Variants in GALNT1 observed in about 807,000 individuals in gnomAD.
GALNT1 encodes polypeptide N-acetylgalactosaminyltransferase 1, also known as GalNAc transferase 1.
Under a neutral mutation model 65.7 loss-of-function variants are expected in GALNT1, and 17 were observed. That is an observed-to-expected ratio of 0.26 (90% CI 0.18 to 0.39). The LOEUF (loss-of-function observed/expected upper bound fraction) is 0.39, where lower values mean the gene tolerates loss of function less well. GALNT1 is among the 10% of genes least tolerant of loss of function. The probability of loss-of-function intolerance (pLI) is 1.00; values close to 1 mark genes in which losing one functional copy is unlikely to be tolerated. For synonymous variants in GALNT1, 210 were observed against 219.7 expected (o/e 0.96, Z 0.39); for missense variants, 460 against 672.8 (o/e 0.68, Z 3.50).
In GALNT1 at chr18:35,689,869, T is replaced by C. The variant is rs546680944; in HGVS notation, c.978+579T>C. 6.6e-5 allele frequency among the ~76,000 whole-genome samples: 10 copies of C among 152,376 alleles called. No homozygotes were observed. The East Asian group carries it at 7.7e-4, about 12-fold the overall frequency. On this transcript the variant is annotated intron_variant, in intron 7 of 11. Coordinates refer to ENST00000269195, the MANE Select transcript of GALNT1 (RefSeq NM_020474.4). Reference sequence around the variant, plus strand: ...GCATATTTTTGCAAATAACCAACTTTAGACACATAGCTTATTATAGTGGAA... The same window carrying C: ...GCATATTTTTGCAAATAACCAACTTCAGACACATAGCTTATTATAGTGGAA...
rs557761669 is a variant in GALNT1 at position 35,662,514 on chromosome 18, A to C, written c.140-1114A>C. ...GTGGCTTTGTACCACTGGCTGAAAC[A>C]ATCACCCTAAAGTCAGCTTTACCAG... On this transcript the variant is annotated intron_variant, in intron 2 of 11. Coordinates refer to ENST00000269195, the MANE Select transcript of GALNT1 (RefSeq NM_020474.4). 1.2e-4 allele frequency among the ~76,000 whole-genome samples: 18 copies of C among 152,266 alleles called. No individual in the cohort carries two copies. In the South Asian group the frequency reaches 3.7e-3, roughly 32 times the overall value.
chr18:35,698,745 G>A (rs1429825358), intron 9 of GALNT1, among the ~76,000 whole-genome samples: 1 of 152,108 alleles, frequency 6.6e-6, no homozygotes. Context: ...TTGGGAGGCC[G>A]AGGTGGGTGG....
At chr18:35,595,763 A>G (rs1300251358) in intron 1 of GALNT1, 3 of 152,232 alleles carry the variant, frequency 2.0e-5, no homozygotes, top group African/African-American at 4.8e-5. Context: ...GACGGTATCA[A>G]AAAGTACACA....
intron 11 of GALNT1, among the ~76,000 whole-genome samples, chr18:35,706,749 T>C (rs2048269175): frequency 6.6e-6 from 1 of 152,094 alleles, no homozygotes; most frequent in Non-Finnish European, 1.5e-5. Flanking sequence ...TGAGTTGCAA[T>C]GCAGGTCCAA....
intron 3 of GALNT1, among the ~76,000 whole-genome samples, chr18:35,675,561 G>A (rs796809873): frequency 6.6e-6 from 1 of 151,974 alleles, no homozygotes; most frequent in African/African-American, 2.4e-5. Flanking sequence ...GTAAATTTGG[G>A]TTATCACTTC....
At chr18:35,628,348 G>A (rs986561452) in intron 1 of GALNT1, among the ~76,000 whole-genome samples, 21 of 152,280 alleles carry the variant, frequency 1.4e-4, no homozygotes, top group South Asian at 4.1e-4. Flanking sequence ...TCACACGGCC[G>A]GGTACCCCTC....
intron 1 of GALNT1, among the ~76,000 whole-genome samples, chr18:35,626,539 CAA>C (rs767826737): frequency 5.9e-5 from 9 of 152,076 alleles, no homozygotes; most frequent in Non-Finnish European, 1.2e-4. Context: ...CTATATAAAT[CAA>C]TAATTATAGG....
At chr18:35,686,935 C>T (rs2047877641) in intron 5 of GALNT1, 81 bp from the exon 6 acceptor site, 56 of 1,321,492 alleles carry the variant, frequency 4.2e-5, no homozygotes, top group Non-Finnish European at 5.7e-5. Context: ...AAAATAAAAA[C>T]ACTTACTATA....
intron 5 of GALNT1, among the ~76,000 whole-genome samples, chr18:35,686,728 T>TA (rs1209912224): frequency 6.6e-6 from 1 of 151,858 alleles, no homozygotes; most frequent in Non-Finnish European, 1.5e-5. Context: ...GTCTTAAATA[T>TA]AAAAAACAAA....
chr18:35,626,779 C>T (rs1236832740), intron 1 of GALNT1, among the ~76,000 whole-genome samples: 1 of 152,168 alleles, frequency 6.6e-6, no homozygotes, highest in African/African-American at 2.4e-5. Context: ...TCCCCCATGG[C>T]CTCAAGATGG....
At chr18:35,646,958 A>G (rs59447931) in intron 1 of GALNT1, among the ~76,000 whole-genome samples, 3,954 of 152,262 alleles carry the variant, frequency 0.026, 168 homozygotes, top group African/African-American at 0.092. Context: ...GTCCTTTTTC[A>G]CTGGTCCCCA....
intron 3 of GALNT1, among the ~76,000 whole-genome samples, chr18:35,667,496 A>C (rs2047566394): frequency 6.6e-6 from 1 of 152,192 alleles, no homozygotes; most frequent in Non-Finnish European, 1.5e-5. Context: ...TCACCCCTAA[A>C]AATAACATAA....
chr18:35,649,152 G>A (rs1598794912), intron 1 of GALNT1, among the ~76,000 whole-genome samples: 1 of 152,320 alleles, frequency 6.6e-6, no homozygotes, highest in East Asian at 1.9e-4. Context: ...TTTCCAGAGA[G>A]GCTGTACCAT....
intron 1 of GALNT1, among the ~76,000 whole-genome samples, chr18:35,634,832 T>A (rs1373641873): frequency 6.6e-6 from 1 of 152,348 alleles, no homozygotes; most frequent in Admixed American, 6.5e-5. Flanking sequence ...CATTAAAGTT[T>A]CCACATGCCA....
chr18:35,622,686 C>T (rs72960668), intron 1 of GALNT1, among the ~76,000 whole-genome samples: 14,501 of 152,034 alleles, frequency 0.095, 836 homozygotes, highest in African/African-American at 0.17. Flanking sequence ...ATTTTTTGTT[C>T]GTTTTCTTCT....
intron 1 of GALNT1, among the ~76,000 whole-genome samples, chr18:35,630,898 A>G (rs1430084647): frequency 3.9e-5 from 6 of 152,244 alleles, no homozygotes; most frequent in Non-Finnish European, 8.8e-5. Flanking sequence ...CAGAAATACA[A>G]ACTACCATCA....
At chr18:35,704,040 C>T (rs964333800) in intron 11 of GALNT1, among the ~76,000 whole-genome samples, 8 of 152,200 alleles carry the variant, frequency 5.3e-5, no homozygotes, top group Non-Finnish European at 1.2e-4. Flanking sequence ...TTCCCAGTGA[C>T]ATATATGACA....
chr18:35,590,034 G>A (rs1358151381), intron 1 of GALNT1, among the ~76,000 whole-genome samples: 1 of 152,132 alleles, frequency 6.6e-6, no homozygotes, highest in East Asian at 1.9e-4. Context: ...TGCCTGGAGT[G>A]TTACTGCTTG....
At chr18:35,690,283 A>G (rs16967009) in intron 7 of GALNT1, among the ~76,000 whole-genome samples, 14,429 of 152,082 alleles carry the variant, frequency 0.095, 825 homozygotes, top group African/African-American at 0.16. Context: ...AGAACTTACA[A>G]TGGATCTAGT....
Sources: gnomAD v4.1 joint callset for allele counts (sites outside exome capture counted in the v4.1 genomes callset) on GRCh38, gnomAD v4.1.1 for gene constraint, MANE v1.5 for transcripts, NCBI Gene and HGNC (gene_info 2026-07-23, HGNC 2026-07-21) for gene names.